The following CELF4 variants were observed in gnomAD, a reference collection of about 807,000 sequenced individuals.
The protein encoded by CELF4 is CUG-BP- and ETR-3-like factor 4.
A neutral mutation model predicts 59.9 loss-of-function variants in CELF4; 18 were observed. The observed-to-expected ratio is 0.30, with a 90% CI of 0.21 to 0.45. CELF4 has a LOEUF of 0.45. Among genes scored for constraint, CELF4 ranks in the 20% least tolerant of loss-of-function variants. The pLI, the probability that CELF4 is intolerant of heterozygous loss-of-function variation, is 1.00. For missense variants in CELF4, 456 were observed against 689.0 expected (o/e 0.66, Z 3.79); for synonymous variants, 261 against 267.1 (o/e 0.98, Z 0.22).
intron 2 of CELF4, among the ~76,000 whole-genome samples, chr18:37,404,462 C>T (rs2099361051): frequency 6.6e-6 from 1 of 152,234 alleles, no homozygotes; most frequent in Non-Finnish European, 1.5e-5. Context: ...GGGGCATAGA[C>T]ACAGGGCAGG....
chr18:37,434,728 C>T (rs1211855976), intron 2 of CELF4, among the ~76,000 whole-genome samples: 1 of 152,074 alleles, frequency 6.6e-6, no homozygotes, highest in Non-Finnish European at 1.5e-5. Flanking sequence ...TCAGTAAATA[C>T]CTAGGGCAGC....
chr18:37,259,151 C>T, intron 11 of CELF4, 30 bp downstream of exon 11: 1 of 1,613,708 alleles, frequency 6.2e-7, no homozygotes. Flanking sequence ...GTCGCCCGAT[C>T]CACAAACACT....
chr18:37,335,524 G>A (rs1569565868), intron 2 of CELF4, among the ~76,000 whole-genome samples: 1 of 151,518 alleles, frequency 6.6e-6, no homozygotes, highest in Non-Finnish European at 1.5e-5. Context: ...GAGGTGTGGG[G>A]GTGAATGGGT....
In CELF4 at chr18:37,514,266, T is replaced by C. The variant is rs771100173; in HGVS notation, c.287-28659A>G. The stretch of plus-strand genomic sequence containing the variant: ...GGGGTCCTTGACTAACAGCTGAAAG[T>C]ACGGCCCTCTTCCCCTCTCTCTCCT... On this transcript the variant is annotated intron_variant, in intron 1 of 12. Coordinates refer to ENST00000420428, the MANE Select transcript of CELF4 (RefSeq NM_020180.4). Among the ~76,000 whole-genome samples the C allele has an allele frequency of 5.1e-4, 77 of 152,116 alleles. 1 individual carries two copies. Among genetic ancestry groups the C allele is most frequent in the Non-Finnish European group, 9.4e-4 (64 of 68,010 alleles).
intron 1 of CELF4, among the ~76,000 whole-genome samples, chr18:37,541,773 A>G (rs1343051203): frequency 6.6e-5 from 10 of 151,856 alleles, no homozygotes; most frequent in African/African-American, 2.4e-4. Context: ...CTCTGCTGGA[A>G]GTGCTTTCTC....
intron 1 of CELF4, among the ~76,000 whole-genome samples, chr18:37,495,666 T>C (rs1271771043): frequency 6.6e-6 from 1 of 152,118 alleles, no homozygotes; most frequent in Non-Finnish European, 1.5e-5. Context: ...GCCATGGGAC[T>C]GGTGAAGTGG....
chr18:37,331,849 G>A (rs1603528605), intron 2 of CELF4, among the ~76,000 whole-genome samples: 1 of 152,106 alleles, frequency 6.6e-6, no homozygotes, highest in Non-Finnish European at 1.5e-5. Context: ...GAGGGTGGGA[G>A]GACAGGCAGG....
chr18:37,484,987 C>G (rs1181805601), intron 2 of CELF4, among the ~76,000 whole-genome samples: 1 of 152,160 alleles, frequency 6.6e-6, no homozygotes, highest in Non-Finnish European at 1.5e-5. Context: ...GATGAACTAG[C>G]CTCGATAATA....
chr18:37,479,693 C>T (rs1327474180), intron 2 of CELF4, among the ~76,000 whole-genome samples: 1 of 152,130 alleles, frequency 6.6e-6, no homozygotes, highest in Non-Finnish European at 1.5e-5. Context: ...CCTTTATCCT[C>T]CCTACTGTGG....
rs190343174 is a variant in CELF4, at chr18:37,441,927, C to G, written c.369+43598G>C. On this transcript the variant is annotated intron_variant, in intron 2 of 12. Coordinates refer to ENST00000420428, the MANE Select transcript of CELF4 (RefSeq NM_020180.4). ...GACCCTAGATGACACGGTGCGTCACCGAAACCGCAAAGACCCTAGATGACA... is the reference window on the plus strand; with the variant it reads ...GACCCTAGATGACACGGTGCGTCACGGAAACCGCAAAGACCCTAGATGACA... Among the ~76,000 whole-genome samples, 1,422 of 152,042 alleles carry G rather than the reference C, an allele frequency of 9.4e-3. 17 individuals are homozygous for G. Among genetic ancestry groups the G allele is most frequent in the Non-Finnish European group, 0.016 (1,061 of 68,002 alleles).
At chr18:37,347,796 C>G in intron 2 of CELF4, among the ~76,000 whole-genome samples, 1 of 152,142 alleles carries the variant, frequency 6.6e-6, no homozygotes, top group Non-Finnish European at 1.5e-5. Flanking sequence ...AGGCCAGAAG[C>G]CCCCTGCAGG....
chr18:37,559,088 A>C (rs550133607), intron 1 of CELF4, among the ~76,000 whole-genome samples: 1 of 152,130 alleles, frequency 6.6e-6, no homozygotes, highest in Admixed American at 6.5e-5. Context: ...AACAAAAAGC[A>C]CACCTTCACA....
At chr18:37,257,552 A>C (rs2070717259) in intron 11 of CELF4, among the ~76,000 whole-genome samples, 1 of 152,088 alleles carries the variant, frequency 6.6e-6, no homozygotes, top group Admixed American at 6.6e-5. Context: ...GATCTTGACT[A>C]CTTTGGGGAA....
chr18:37,384,984 T>C (rs2099083015), intron 2 of CELF4, among the ~76,000 whole-genome samples: 1 of 152,176 alleles, frequency 6.6e-6, no homozygotes, highest in African/African-American at 2.4e-5. Flanking sequence ...CCAAGCCTTT[T>C]CTCCCTTTGT....
intron 1 of CELF4, among the ~76,000 whole-genome samples, chr18:37,563,837 A>C (rs1490558724): frequency 6.6e-6 from 1 of 152,194 alleles, no homozygotes; most frequent in African/African-American, 2.4e-5. Flanking sequence ...GAAGATACTA[A>C]AGCCAATAAA....
intron 2 of CELF4, among the ~76,000 whole-genome samples, chr18:37,480,216 G>A (rs1007526220): frequency 6.6e-6 from 1 of 151,752 alleles, no homozygotes; most frequent in South Asian, 2.1e-4. Flanking sequence ...ATCTGGCTGA[G>A]ATGATCTCTG....
chr18:37,284,747 C>T (rs1355533106), intron 3 of CELF4, among the ~76,000 whole-genome samples: 1 of 152,190 alleles, frequency 6.6e-6, no homozygotes, highest in Non-Finnish European at 1.5e-5. Flanking sequence ...TCTCATTTCG[C>T]CCCCAGTTAC....
At chr18:37,369,408 T>C (rs374518052) in intron 2 of CELF4, among the ~76,000 whole-genome samples, 13 of 152,148 alleles carry the variant, frequency 8.5e-5, no homozygotes, top group African/African-American at 3.1e-4. Context: ...AACCTATGAG[T>C]GGCTCTGGGG....
chr18:37,380,389 C>T (rs1351689859), intron 2 of CELF4, among the ~76,000 whole-genome samples: 1 of 152,224 alleles, frequency 6.6e-6, no homozygotes, highest in Non-Finnish European at 1.5e-5. Context: ...AACCCATTCT[C>T]ATGTCTTTGC....
Sources: gnomAD v4.1 joint callset for allele counts (sites outside exome capture counted in the v4.1 genomes callset) on GRCh38, gnomAD v4.1.1 for gene constraint, MANE v1.5 for transcripts, NCBI Gene and HGNC (gene_info 2026-07-23, HGNC 2026-07-21) for gene names.